The following MTUS2 variants were observed in gnomAD, a reference collection of about 807,000 sequenced individuals.
MTUS2 encodes microtubule-associated tumor suppressor candidate 2.
Under a neutral mutation model 114.1 loss-of-function variants are expected in MTUS2, and 40 were observed. The ratio of observed to expected loss-of-function variants is 0.35; its 90% CI spans 0.27 to 0.46. The LOEUF is 0.46. Among genes scored for constraint, MTUS2 ranks in the 20% least tolerant of loss-of-function variants. The pLI is 1.00. For missense variants in MTUS2, 1,679 were observed against 1,705.4 expected, an observed-to-expected ratio of 0.98 and a Z score of 0.27; for synonymous variants, 688 against 672.0, an observed-to-expected ratio of 1.02 and a Z score of -0.37.
intron 2 of MTUS2, among the ~76,000 whole-genome samples, chr13:28,930,113 A>G (rs1165091878): frequency 1.2e-4 from 18 of 152,180 alleles, no homozygotes; most frequent in Admixed American, 1.2e-3. Flanking sequence ...CAAGAAAAAA[A>G]TGTAGGCCAC....
intron 4 of MTUS2, among the ~76,000 whole-genome samples, chr13:29,066,918 A>G (rs1160034892): frequency 6.6e-6 from 1 of 152,216 alleles, no homozygotes; most frequent in Non-Finnish European, 1.5e-5. Flanking sequence ...TTTGAAGGAA[A>G]AATACAAGTT....
At chr13:29,195,856 G>C (rs1255162825) in intron 5 of MTUS2, among the ~76,000 whole-genome samples, 1 of 152,160 alleles carries the variant, frequency 6.6e-6, no homozygotes, top group Non-Finnish European at 1.5e-5. Flanking sequence ...ATGATTTGGG[G>C]AAACTGGAAA....
At chr13:28,871,082 A>G (rs1305362783) in intron 2 of MTUS2, among the ~76,000 whole-genome samples, 2 of 152,238 alleles carry the variant, frequency 1.3e-5, no homozygotes, top group Non-Finnish European at 2.9e-5. Flanking sequence ...CCTCAATGCT[A>G]CAACTACTGT....
intron 10 of MTUS2, among the ~76,000 whole-genome samples, chr13:29,485,714 C>T (rs1330743497): frequency 6.6e-6 from 1 of 152,224 alleles, no homozygotes; most frequent in African/African-American, 2.4e-5. Flanking sequence ...ACATTGATGC[C>T]ACAAACACAG....
intron 8 of MTUS2, among the ~76,000 whole-genome samples, chr13:29,369,703 T>A (rs1203883712): frequency 6.6e-6 from 1 of 152,164 alleles, no homozygotes; most frequent in East Asian, 1.9e-4. Flanking sequence ...ACTTCTGCCC[T>A]CCCAGGAGAA....
In MTUS2 at chr13:29,164,633, C is replaced by T. The variant is rs921254670; in HGVS notation, c.2644+63663C>T. ...GTGAATTAAATTCACAGCACTTTTG[C>T]ACTAGAGTGGGAGCCCACAAAGAGA... On this transcript the variant is annotated intron_variant, in intron 5 of 15. Transcript: ENST00000612955. 5.6e-4 allele frequency among the ~76,000 whole-genome samples: 86 copies of T among 152,274 alleles called. 1 individual carries two copies. The highest frequency in any genetic ancestry group is 2.0e-3 in the African/African-American group (84 of 41,552).
intron 2 of MTUS2, among the ~76,000 whole-genome samples, chr13:29,015,576 G>A (rs1448972637): frequency 1.3e-5 from 2 of 152,184 alleles, no homozygotes; most frequent in African/African-American, 2.4e-5. Context: ...TTAACACAGG[G>A]ATTTTGCCTT....
In MTUS2 at chr13:29,505,372, A is replaced by C. The variant is rs1214596801; in HGVS notation, c.*2166A>C. 8.7e-6 allele frequency: 2 copies of C among 230,096 alleles called. No individual in the cohort carries two copies. The highest frequency in any genetic ancestry group is 1.7e-5 in the Non-Finnish European group (2 of 115,826). 14.3% of individuals were successfully genotyped at this position (230,096 alleles called of 1,614,324 possible). On this transcript the variant is annotated 3_prime_UTR_variant, in exon 16 of 16. Transcript: ENST00000612955. ...CGTTAGCACTAAGTAATTCCTCATT[A>C]GGTGGACTTCGGTGAGAGCTTTGCC... is the stretch of plus-strand genomic sequence containing the variant.
At chr13:29,069,659 G>A (rs996272045) in intron 4 of MTUS2, among the ~76,000 whole-genome samples, 2 of 152,170 alleles carry the variant, frequency 1.3e-5, no homozygotes, top group Non-Finnish European at 2.9e-5. Context: ...TAATTTGAAA[G>A]GGAAAAGAAT....
At chr13:29,335,522 T>C (rs9579342) in intron 7 of MTUS2, among the ~76,000 whole-genome samples, 40,774 of 152,070 alleles carry the variant, frequency 0.27, 6,264 homozygotes, top group African/African-American at 0.43. Context: ...CGTACACTCC[T>C]TCCCCTTTTG....
chr13:29,193,711 A>G (rs1407829095), intron 5 of MTUS2, among the ~76,000 whole-genome samples: 1 of 152,142 alleles, frequency 6.6e-6, no homozygotes, highest in Non-Finnish European at 1.5e-5. Context: ...TCAATCTACC[A>G]ATGACTTTCT....
intron 7 of MTUS2, among the ~76,000 whole-genome samples, chr13:29,344,437 AG>A (rs1222973150): frequency 1.3e-5 from 2 of 152,000 alleles, no homozygotes; most frequent in African/African-American, 4.8e-5. Flanking sequence ...TTTGCTTTAA[AG>A]TCTGTTTTGT....
intron 6 of MTUS2, among the ~76,000 whole-genome samples, chr13:29,290,301 T>C (rs1898652206): frequency 6.6e-6 from 1 of 152,138 alleles, no homozygotes; most frequent in South Asian, 2.1e-4. Context: ...TTCCTGTAAG[T>C]GTCTCTGCTA....
chr13:29,360,201 T>TA (rs1870106036), intron 8 of MTUS2, among the ~76,000 whole-genome samples: 1 of 152,188 alleles, frequency 6.6e-6, no homozygotes, highest in Non-Finnish European at 1.5e-5. Flanking sequence ...AGCATAAACA[T>TA]AAGTGCACAT....
intron 5 of MTUS2, among the ~76,000 whole-genome samples, chr13:29,196,463 C>G (rs1229752114): frequency 1.3e-5 from 2 of 151,878 alleles, no homozygotes; most frequent in African/African-American, 2.4e-5. Flanking sequence ...GGAAAATGCA[C>G]ATAACATCAA....
intron 5 of MTUS2, among the ~76,000 whole-genome samples, chr13:29,243,689 A>T (rs1175702618): frequency 6.6e-6 from 1 of 152,188 alleles, no homozygotes; most frequent in Non-Finnish European, 1.5e-5. Flanking sequence ...ATATTAATAT[A>T]AGAGAGTAAG....
chr13:29,484,904 G>A (rs1368667389), intron 10 of MTUS2: 1 of 152,244 alleles, frequency 6.6e-6, no homozygotes, highest in Non-Finnish European at 1.5e-5. Context: ...CCTGTGCTCT[G>A]CTGTCCGTCA....
At chr13:29,252,112 C>T (rs772188945) in intron 5 of MTUS2, among the ~76,000 whole-genome samples, 6 of 152,134 alleles carry the variant, frequency 3.9e-5, no homozygotes, top group East Asian at 1.9e-4. Context: ...GCCTTCCAGA[C>T]GCCAGGGCCT....
intron 5 of MTUS2, among the ~76,000 whole-genome samples, chr13:29,192,666 G>A (rs769251975): frequency 7.2e-5 from 11 of 152,054 alleles, no homozygotes; most frequent in East Asian, 1.9e-4. Context: ...TCATTATTAC[G>A]TATCAATTAA....
Sources: gnomAD v4.1 joint callset for allele counts (sites outside exome capture counted in the v4.1 genomes callset) on GRCh38, gnomAD v4.1.1 for gene constraint, MANE v1.5 for transcripts, NCBI Gene and HGNC (gene_info 2026-07-23, HGNC 2026-07-21) for gene names.